CNTN5: variants seen among roughly 807,000 people sequenced by gnomAD.
CNTN5 encodes the protein contactin-5.
CNTN5 carries 77 observed loss-of-function variants against 129.1 expected under a neutral mutation model. The observed-to-expected ratio is 0.60, with a 90% CI of 0.50 to 0.72. The LOEUF is 0.72. Ranked by LOEUF, CNTN5 falls within the 30% of genes least tolerant of loss-of-function variation. CNTN5 has a pLI of 0.00. For missense variants in CNTN5, 1,478 were observed against 1,328.8 expected, an observed-to-expected ratio of 1.11 and a Z score of -1.75; for synonymous variants, 509 against 465.6, an observed-to-expected ratio of 1.09 and a Z score of -1.20.
chr11:99,957,094 C>A, intron 8 of CNTN5, 85 bp downstream of exon 8: 2 of 1,140,786 alleles, frequency 1.8e-6, no homozygotes, highest in Non-Finnish European at 1.2e-6. Flanking sequence ...TTTTTAAGAC[C>A]TGGAACTTAC....
intron 1 of CNTN5, among the ~76,000 whole-genome samples, chr11:99,164,933 G>A (rs1860803787): frequency 6.6e-6 from 1 of 152,154 alleles, no homozygotes; most frequent in Non-Finnish European, 1.5e-5. Flanking sequence ...GCATATGTGT[G>A]TGTATATATC....
At chr11:99,037,736 C>T (rs190170062) in intron 1 of CNTN5, among the ~76,000 whole-genome samples, 5 of 151,794 alleles carry the variant, frequency 3.3e-5, no homozygotes, top group South Asian at 4.2e-4. Flanking sequence ...CGCCCCACCA[C>T]GCACAGCTAA....
At chr11:99,955,643 T>G (rs1950782249) in intron 7 of CNTN5, among the ~76,000 whole-genome samples, 1 of 151,970 alleles carries the variant, frequency 6.6e-6, no homozygotes, top group African/African-American at 2.4e-5. Flanking sequence ...CACTGCAAGC[T>G]CCGCCTCTCA....
chr11:99,461,452 A>G (rs1309990274), intron 2 of CNTN5, among the ~76,000 whole-genome samples: 2 of 152,158 alleles, frequency 1.3e-5, no homozygotes, highest in South Asian at 2.1e-4. Context: ...GAAGACCAAC[A>G]AGGATGTGAG....
At chr11:99,896,954 C>CA (rs1565651650) in intron 6 of CNTN5, among the ~76,000 whole-genome samples, 1 of 152,124 alleles carries the variant, frequency 6.6e-6, no homozygotes, top group African/African-American at 2.4e-5. Context: ...ACCACCTAAG[C>CA]ATTCTGCCTG....
At chr11:99,941,458 A>G (rs1053840787) in intron 7 of CNTN5, among the ~76,000 whole-genome samples, 1 of 152,092 alleles carries the variant, frequency 6.6e-6, no homozygotes, top group East Asian at 1.9e-4. Flanking sequence ...TTTTTACACT[A>G]CTGAGGAGGT....
intron 2 of CNTN5, among the ~76,000 whole-genome samples, chr11:99,536,588 C>T (rs1494467): frequency 2.6e-5 from 4 of 151,932 alleles, no homozygotes; most frequent in African/African-American, 9.7e-5. Context: ...TCACAATTTG[C>T]AGAAACTTGC....
intron 21 of CNTN5, chr11:100,309,249 C>T: frequency 1.0e-6 from 1 of 984,488 alleles, no homozygotes; most frequent in East Asian, 1.1e-4. Context: ...CTTCAGTTCC[C>T]ATTAAGAGAA....
At chr11:99,667,137 T>G (rs1952825620) in intron 3 of CNTN5, among the ~76,000 whole-genome samples, 1 of 152,066 alleles carries the variant, frequency 6.6e-6, no homozygotes, top group African/African-American at 2.4e-5. Flanking sequence ...GGATTTAACA[T>G]ATTTTATCCT....
chr11:99,320,717 G>T (rs1286195446), intron 1 of CNTN5, among the ~76,000 whole-genome samples: 1 of 152,152 alleles, frequency 6.6e-6, no homozygotes, highest in African/African-American at 2.4e-5. Context: ...TACTGTTTAA[G>T]AATAAAATAG....
At chr11:99,979,836 T>C (rs1028101970) in intron 8 of CNTN5, among the ~76,000 whole-genome samples, 6 of 152,308 alleles carry the variant, frequency 3.9e-5, no homozygotes, top group East Asian at 1.9e-4. Flanking sequence ...TATTCATCAT[T>C]GTGGAGAAGA....
At chr11:99,038,053 T>C (rs190446638) in intron 1 of CNTN5, among the ~76,000 whole-genome samples, 2 of 152,304 alleles carry the variant, frequency 1.3e-5, no homozygotes, top group East Asian at 3.9e-4. Context: ...CTCTAAATAA[T>C]ATAATGCTTT....
chr11:100,069,224 C>A (rs1943808832), intron 10 of CNTN5, among the ~76,000 whole-genome samples: 1 of 152,164 alleles, frequency 6.6e-6, no homozygotes, highest in Non-Finnish European at 1.5e-5. Flanking sequence ...ATGATCACGG[C>A]TCAGTGCAGC....
intron 3 of CNTN5, among the ~76,000 whole-genome samples, chr11:99,818,874 C>G (rs1946679817): frequency 6.6e-6 from 1 of 151,966 alleles, no homozygotes; most frequent in African/African-American, 2.4e-5. Flanking sequence ...TTAATCTGTA[C>G]ACATTAGATA....
intron 1 of CNTN5, among the ~76,000 whole-genome samples, chr11:99,064,114 T>C (rs2135223422): frequency 6.6e-6 from 1 of 152,274 alleles, no homozygotes; most frequent in Non-Finnish European, 1.5e-5. Flanking sequence ...AAAACCTCTT[T>C]ATTTAAAATG....
intron 1 of CNTN5, among the ~76,000 whole-genome samples, chr11:99,098,020 C>T (rs190533601): frequency 6.6e-6 from 1 of 151,916 alleles, no homozygotes; most frequent in Non-Finnish European, 1.5e-5. Flanking sequence ...AATAAATTTG[C>T]TGTATCTAGG....
At chr11:99,971,746 T>C (rs11222104) in intron 8 of CNTN5, among the ~76,000 whole-genome samples, 46,949 of 151,664 alleles carry the variant, frequency 0.31, 7,787 homozygotes, top group African/African-American at 0.39. Flanking sequence ...AATAATGTTT[T>C]GTTATGGCTA....
chr11:99,974,965 C>A (rs1388011931), intron 8 of CNTN5, among the ~76,000 whole-genome samples: 12 of 152,186 alleles, frequency 7.9e-5, no homozygotes, highest in African/African-American at 2.9e-4. Flanking sequence ...ATTTTACTGT[C>A]ATCCTAACAT....
intron 20 of CNTN5, among the ~76,000 whole-genome samples, chr11:100,303,564 G>A (rs1033983650): frequency 3.0e-4 from 4 of 13,368 alleles, no homozygotes; most frequent in Non-Finnish European, 5.6e-4. Context: ...TACTTGTGAT[G>A]CGCTTTATCC....
Sources: allele counts gnomAD v4.1 joint callset (sites outside exome capture counted in the v4.1 genomes callset), GRCh38; gene constraint gnomAD v4.1.1; transcripts MANE v1.5; gene names NCBI Gene and HGNC (gene_info 2026-07-23, HGNC 2026-07-21).